Variants in PARD3B observed in about 807,000 individuals in gnomAD.
PARD3B encodes par-3 family cell polarity regulator beta.
A neutral mutation model predicts 130.2 loss-of-function variants in PARD3B; 103 were observed. That is an observed-to-expected ratio of 0.79 (90% CI 0.67 to 0.93). The LOEUF is 0.93. Among genes scored for constraint, PARD3B ranks in the 40% least tolerant of loss-of-function variants. The pLI, the probability that PARD3B is intolerant of heterozygous loss-of-function variation, is 0.00. For missense variants in PARD3B, 1,609 were observed against 1,499.2 expected (o/e 1.07, Z -1.21); for synonymous variants, 583 against 553.2 (o/e 1.05, Z -0.76).
chr2:205,234,632 G>T (rs770991362), intron 15 of PARD3B, among the ~76,000 whole-genome samples: 2 of 152,034 alleles, frequency 1.3e-5, no homozygotes, highest in African/African-American at 4.8e-5. Flanking sequence ...AATAGAACAA[G>T]TATACCAAAA....
chr2:205,205,921 C>A (rs899528937), intron 15 of PARD3B, among the ~76,000 whole-genome samples: 1 of 151,990 alleles, frequency 6.6e-6, no homozygotes, highest in East Asian at 1.9e-4. Flanking sequence ...TTTGGTTGTG[C>A]CTCTGCCAGG....
rs199760863 is a variant in PARD3B, at chr2:205,113,472, T to C, written c.594-19T>C. ...TTTTAGCAGACACTCATTTGTGCTC[T>C]TGTTTTTTTCTGCCCCAGTGATATG... On this transcript the variant is annotated intron_variant, in intron 5 of 22. Transcript: ENST00000406610. 1.9e-6 allele frequency: 3 copies of C among 1,596,260 alleles called. No individual in the cohort carries two copies. The East Asian group carries it at 6.7e-5, about 36-fold the overall frequency.
chr2:204,631,514 C>T (rs1036825794), intron 1 of PARD3B, among the ~76,000 whole-genome samples: 15 of 152,076 alleles, frequency 9.9e-5, no homozygotes, highest in South Asian at 4.1e-4. Context: ...TCCCAAAGTG[C>T]GGGATTACAG....
rs973964129 is a variant in PARD3B, at chr2:205,296,460, C to G, written c.2186-4070C>G. Among the ~76,000 whole-genome samples, 5 of 152,282 alleles carry G rather than the reference C, an allele frequency of 3.3e-5. No homozygotes were observed. In the South Asian group the frequency reaches 6.2e-4, roughly 19 times the overall value. ...CCAGGAAGGACCTTCTGTTTCATAG[C>G]ATGTTGAAGTGAGGCTTTCTATAAT... On this transcript the variant is annotated intron_variant, in intron 16 of 22. Coordinates refer to ENST00000406610, the MANE Select transcript of PARD3B (RefSeq NM_001302769.2).
intron 1 of PARD3B, among the ~76,000 whole-genome samples, chr2:204,575,837 C>T (rs991857192): frequency 1.3e-5 from 2 of 152,220 alleles, no homozygotes; most frequent in Non-Finnish European, 2.9e-5. Context: ...TAGAATCAGT[C>T]TTCACTGTCC....
At chr2:205,018,133 G>A (rs1405175771) in intron 3 of PARD3B, among the ~76,000 whole-genome samples, 1 of 151,926 alleles carries the variant, frequency 6.6e-6, no homozygotes, top group Non-Finnish European at 1.5e-5. Flanking sequence ...GTGTGATATA[G>A]CTGTATAATA....
chr2:205,485,274 G>T (rs183801906), intron 20 of PARD3B, among the ~76,000 whole-genome samples: 1 of 152,272 alleles, frequency 6.6e-6, no homozygotes, highest in East Asian at 1.9e-4. Context: ...GATGCATCGT[G>T]CTTCATCACC....
rs1397103413 is a variant in PARD3B at position 205,229,405 on chromosome 2, A to G, written c.2141-16373A>G. On this transcript the variant is annotated intron_variant, in intron 15 of 22. Coordinates refer to ENST00000406610, the MANE Select transcript of PARD3B (RefSeq NM_001302769.2). This position sits in a 1 kb window ranked among gnomAD's most constrained non-coding sequence, Gnocchi z 5.2. The stretch of plus-strand genomic sequence containing the variant: ...AATGCTGTGACTCTTACAGACTTGT[A>G]GAGGTGCCATGTTGGTGGTCTTGGA... Among the ~76,000 whole-genome samples, 1 of 152,220 alleles carries G rather than the reference A, an allele frequency of 6.6e-6. No individual in the cohort carries two copies. Among genetic ancestry groups the G allele is most frequent in the East Asian group, 1.9e-4 (1 of 5,188 alleles).
At chr2:204,555,071 T>G (rs2030823387) in intron 1 of PARD3B, among the ~76,000 whole-genome samples, 1 of 152,142 alleles carries the variant, frequency 6.6e-6, no homozygotes, top group Non-Finnish European at 1.5e-5. Flanking sequence ...AAACCTTGGG[T>G]GCTTAGTCAC....
chr2:204,800,473 G>A (rs190143447), intron 2 of PARD3B, among the ~76,000 whole-genome samples: 1 of 152,148 alleles, frequency 6.6e-6, no homozygotes, highest in African/African-American at 2.4e-5. Context: ...TTATTCAAAT[G>A]GATAATAACA....
intron 1 of PARD3B, among the ~76,000 whole-genome samples, chr2:204,667,531 C>G (rs971845901): frequency 1.3e-5 from 2 of 152,144 alleles, no homozygotes; most frequent in Non-Finnish European, 2.9e-5. Flanking sequence ...GGAGGCATCT[C>G]ACATTCAATT....
intron 2 of PARD3B, among the ~76,000 whole-genome samples, chr2:204,905,151 A>G (rs1314495918): frequency 1.3e-5 from 2 of 152,212 alleles, no homozygotes; most frequent in Non-Finnish European, 2.9e-5. Flanking sequence ...AGAGATCCCT[A>G]ATATATAGCA....
chr2:205,527,033 G>T (rs1361358420), intron 21 of PARD3B, among the ~76,000 whole-genome samples: 1 of 152,170 alleles, frequency 6.6e-6, no homozygotes, highest in Non-Finnish European at 1.5e-5. Flanking sequence ...TGAGAGGTTT[G>T]CAGGTATAAA....
chr2:205,319,186 C>A (rs1158396126), intron 18 of PARD3B, among the ~76,000 whole-genome samples: 1 of 152,144 alleles, frequency 6.6e-6, no homozygotes, highest in African/African-American at 2.4e-5. Flanking sequence ...CTACAGAATT[C>A]AATAAACCAG....
chr2:204,942,222 T>C (rs1384986234), intron 2 of PARD3B, among the ~76,000 whole-genome samples: 4 of 152,226 alleles, frequency 2.6e-5, no homozygotes, highest in Non-Finnish European at 1.5e-5. Context: ...TTTTTTCTTG[T>C]TGGTTAAAGT....
intron 18 of PARD3B, among the ~76,000 whole-genome samples, chr2:205,334,028 C>G (rs1001054787): frequency 2.0e-5 from 3 of 152,160 alleles, no homozygotes; most frequent in African/African-American, 7.2e-5. Context: ...ATGTAGACCT[C>G]TTTTTCCTAC....
In PARD3B at chr2:205,158,627, G is replaced by A. The variant is rs2034324004; in HGVS notation, c.1435-95G>A. ...CAGCTGTGAGAGGTCCAGTCATCCT[G>A]TCCTACTGATTGCATCTGTGTCTGG... On this transcript the variant is annotated intron_variant, in intron 10 of 22. Coordinates refer to ENST00000406610, the MANE Select transcript of PARD3B (RefSeq NM_001302769.2). This position sits in a 1 kb window ranked among gnomAD's most constrained non-coding sequence, Gnocchi z 5.4. The A allele has an allele frequency of 3.9e-6, 5 of 1,268,376 alleles. No individual in the cohort carries two copies. The highest frequency in any genetic ancestry group is 4.4e-6 in the Non-Finnish European group (4 of 905,384). 78.6% of individuals were successfully genotyped at this position (1,268,376 alleles called of 1,614,324 possible).
chr2:204,775,732 C>T (rs772922160), intron 2 of PARD3B, among the ~76,000 whole-genome samples: 14 of 152,150 alleles, frequency 9.2e-5, no homozygotes, highest in Non-Finnish European at 2.1e-4. Context: ...GCTTACTTGG[C>T]TGTCTCTTCT....
intron 22 of PARD3B, among the ~76,000 whole-genome samples, chr2:205,605,172 A>G (rs2054937778): frequency 6.6e-6 from 1 of 152,292 alleles, no homozygotes; most frequent in Non-Finnish European, 1.5e-5. Flanking sequence ...AGCTCAGTGA[A>G]GTTTGTTATT....
Sources: gnomAD v4.1 joint callset for allele counts (sites outside exome capture counted in the v4.1 genomes callset) on GRCh38, gnomAD v4.1.1 for gene constraint, Gnocchi (gnomAD v3.1) non-coding constraint, MANE v1.5 for transcripts, NCBI Gene and HGNC (gene_info 2026-07-23, HGNC 2026-07-21) for gene names.